Variants in OCA2 observed in about 807,000 individuals in gnomAD.
OCA2 encodes OCA2 melanosomal transmembrane protein.
In OCA2, 77 loss-of-function variants were observed where a neutral mutation model predicts 100.2. The observed-to-expected ratio is 0.77, with a 90% CI of 0.64 to 0.93. The LOEUF (loss-of-function observed/expected upper bound fraction) is 0.93. Among genes scored for constraint, OCA2 ranks in the 40% least tolerant of loss-of-function variants. OCA2 has a pLI of 0.00. For missense variants in OCA2, 1,062 were observed against 1,089.1 expected, an observed-to-expected ratio of 0.98 and a Z score of 0.35; for synonymous variants, 432 against 439.2, an observed-to-expected ratio of 0.98 and a Z score of 0.21.
chr15:27,796,771 A>G lies in OCA2; in HGVS notation c.2433-41299T>C, dbSNP rs370491308. Among the ~76,000 whole-genome samples the G allele has an allele frequency of 3.9e-5, 6 of 152,334 alleles. No homozygotes were observed. In the South Asian group the frequency reaches 1.2e-3, roughly 32 times the overall value. On this transcript the variant is annotated intron_variant, in intron 23 of 23. Coordinates refer to ENST00000354638, the MANE Select transcript of OCA2 (RefSeq NM_000275.3). ...AACACCATCAGCAGCAACTTGCATG[A>G]AAAACTATACGGAAAAATCTGTAGC... is the stretch of plus-strand genomic sequence containing the variant.
the OCA2 span, among the ~76,000 whole-genome samples, chr15:27,720,146 ACCATAGTGCACACAAATATGCATT>A: frequency 2.0e-5 from 3 of 152,138 alleles, no homozygotes; most frequent in East Asian, 5.8e-4. Context: ...AAACATTCAA[ACCATAGTGCACACAAATATGCATT>A]CCATCGCATC....
intron 9 of OCA2, among the ~76,000 whole-genome samples, chr15:27,995,908 G>A (rs1478562359): frequency 6.6e-6 from 1 of 151,428 alleles, no homozygotes; most frequent in African/African-American, 2.4e-5. Context: ...TGCCTCCCAG[G>A]TTCAAGCAAT....
chr15:28,093,974 G>A (rs371030469), intron 1 of OCA2, among the ~76,000 whole-genome samples: 6 of 152,132 alleles, frequency 3.9e-5, no homozygotes, highest in Non-Finnish European at 5.9e-5. Flanking sequence ...TCTTCCCTGG[G>A]AGACAGAGGC....
At chr15:27,852,090 T>G (rs2035774856) in intron 21 of OCA2, among the ~76,000 whole-genome samples, 2 of 152,212 alleles carry the variant, frequency 1.3e-5, no homozygotes, top group South Asian at 4.1e-4. Flanking sequence ...GGAAGCACCA[T>G]TCTCTAGTCA....
intron 2 of OCA2, among the ~76,000 whole-genome samples, chr15:28,064,699 CT>C (rs2141696686): frequency 6.7e-6 from 1 of 149,932 alleles, no homozygotes; most frequent in South Asian, 2.1e-4. Context: ...TTTATTTGTC[CT>C]TCTTTTTCCT....
chr15:27,813,419 TACAC>T (rs370741465), intron 23 of OCA2, among the ~76,000 whole-genome samples: 1 of 150,776 alleles, frequency 6.6e-6, no homozygotes, highest in African/African-American at 2.4e-5. Flanking sequence ...CATTCACACA[TACAC>T]ACACACACAC....
At chr15:27,845,793 G>A (rs1389343828) in intron 22 of OCA2, among the ~76,000 whole-genome samples, 4 of 152,174 alleles carry the variant, frequency 2.6e-5, no homozygotes, top group Admixed American at 2.0e-4. Context: ...GTGCACACAC[G>A]GTTGAGGAAG....
At chr15:27,958,249 A>G (rs1367974955) in intron 15 of OCA2, among the ~76,000 whole-genome samples, 1 of 152,264 alleles carries the variant, frequency 6.6e-6, no homozygotes, top group South Asian at 2.1e-4. Flanking sequence ...CAACACTTTC[A>G]GTGAAGAATA....
rs140103290 is a variant in OCA2 at position 27,971,316 on chromosome 15, G to A, written c.1504-4494C>T. On this transcript the variant is annotated intron_variant, in intron 14 of 23. Coordinates refer to ENST00000354638, the MANE Select transcript of OCA2 (RefSeq NM_000275.3). ...CAAAGATGCTATTCAGAAGCATAGG[G>A]GCACGCTTCCCTCAAGAGACTTTTC... Among the ~76,000 whole-genome samples the A allele has an allele frequency of 3.5e-3, 534 of 152,252 alleles. 2 individuals carry two copies. The highest frequency in any genetic ancestry group is 0.022 in the South Asian group (106 of 4,824).
chr15:28,096,136 T>A (rs1263525527), intron 1 of OCA2, among the ~76,000 whole-genome samples: 1 of 147,196 alleles, frequency 6.8e-6, no homozygotes, highest in African/African-American at 2.6e-5. Flanking sequence ...CGGGGCGTGG[T>A]CGTGTCTCCG....
intron 19 of OCA2, among the ~76,000 whole-genome samples, chr15:27,875,344 A>T (rs1034660347): frequency 3.3e-5 from 5 of 151,974 alleles, no homozygotes; most frequent in African/African-American, 1.2e-4. Context: ...CTATTTCTGG[A>T]CTCTCTCTTC....
At chr15:28,095,073 T>C (rs1052179509) in intron 1 of OCA2, among the ~76,000 whole-genome samples, 4 of 152,230 alleles carry the variant, frequency 2.6e-5, no homozygotes, top group Admixed American at 6.5e-5. Context: ...AGAGCGGTGC[T>C]GCCGGCGCTC....
intron 9 of OCA2, among the ~76,000 whole-genome samples, chr15:27,996,141 T>C (rs2041720235): frequency 6.6e-6 from 1 of 151,960 alleles, no homozygotes; most frequent in South Asian, 2.1e-4. Context: ...CAATGTGTCA[T>C]AAAAGAAATA....
chr15:27,943,827 T>G (rs2039737138), intron 18 of OCA2, among the ~76,000 whole-genome samples: 1 of 152,180 alleles, frequency 6.6e-6, no homozygotes, highest in South Asian at 2.1e-4. Flanking sequence ...GCCCTTATCC[T>G]GCCCCCTGCT....
chr15:27,790,935 T>G (rs1349906289), intron 23 of OCA2, among the ~76,000 whole-genome samples: 1 of 152,006 alleles, frequency 6.6e-6, no homozygotes, highest in Non-Finnish European at 1.5e-5. Context: ...ACTACAGGTG[T>G]GTGCCACCAT....
intron 9 of OCA2, among the ~76,000 whole-genome samples, chr15:28,010,422 C>A (rs532139933): frequency 1.7e-3 from 261 of 152,286 alleles, no homozygotes; most frequent in African/African-American, 6.1e-3. Context: ...ATAAAACTGT[C>A]CTCATTGCAA....
At chr15:27,905,641 A>G (rs2038148013) in intron 19 of OCA2, among the ~76,000 whole-genome samples, 1 of 152,262 alleles carries the variant, frequency 6.6e-6, no homozygotes, top group Admixed American at 6.5e-5. Context: ...CAAGTGGAAA[A>G]GAAAAGGAGG....
intron 14 of OCA2, among the ~76,000 whole-genome samples, chr15:27,979,875 T>G (rs1282907426): frequency 3.4e-5 from 5 of 147,842 alleles, no homozygotes; most frequent in South Asian, 2.2e-4. Context: ...AGTGTTTTTT[T>G]TTTTTTTTTT....
chr15:27,993,684 C>T (rs908698900), intron 9 of OCA2, among the ~76,000 whole-genome samples: 4 of 151,938 alleles, frequency 2.6e-5, no homozygotes, highest in Non-Finnish European at 5.9e-5. Flanking sequence ...TCCCCTCCCT[C>T]GTCACACACA....
Sources: gnomAD v4.1 joint callset for allele counts (sites outside exome capture counted in the v4.1 genomes callset) on GRCh38, gnomAD v4.1.1 for gene constraint, MANE v1.5 for transcripts, NCBI Gene and HGNC (gene_info 2026-07-23, HGNC 2026-07-21) for gene names.